The following DLC1 variants were observed in gnomAD, a reference collection of about 807,000 sequenced individuals.
DLC1 encodes DLC1 Rho GTPase activating protein, also known as rho GTPase-activating protein 7.
DLC1 carries 54 observed loss-of-function variants against 140.3 expected under a neutral mutation model. The ratio of observed to expected loss-of-function variants is 0.38; its 90% CI spans 0.31 to 0.48. DLC1 has a LOEUF of 0.48. DLC1 is among the 20% of genes least tolerant of loss of function. DLC1 has a pLI of 0.96. For synonymous variants in DLC1, 986 were observed against 728.1 expected (o/e 1.35, Z -5.70); for missense variants, 2,536 against 1,907.0 (o/e 1.33, Z -6.14).
chr8:13,120,356 A>AAAAAAAAAAAATAT, intron 5 of DLC1, among the ~76,000 whole-genome samples: 15 of 61,126 alleles, frequency 2.5e-4, no homozygotes, highest in African/African-American at 5.8e-4. Flanking sequence ...AAAAAAAAAA[A>AAAAAAAAAAAATAT]ATATATATAT....
chr8:13,534,972 AG>A (rs961799097), intron 1 of DLC1, among the ~76,000 whole-genome samples: 1 of 152,084 alleles, frequency 6.6e-6, no homozygotes, highest in Non-Finnish European at 1.5e-5. Flanking sequence ...CTTTCTGCTG[AG>A]GTATAGGAGA....
At chr8:13,368,495 C>G (rs1292352468) in intron 4 of DLC1, among the ~76,000 whole-genome samples, 1 of 151,460 alleles carries the variant, frequency 6.6e-6, no homozygotes, top group African/African-American at 2.4e-5. Context: ...AGATATTACC[C>G]AAGGGAAAAC....
chr8:13,138,723 G>A (rs932118002), intron 5 of DLC1, among the ~76,000 whole-genome samples: 2 of 152,058 alleles, frequency 1.3e-5, no homozygotes, highest in Non-Finnish European at 2.9e-5. Context: ...TTAAGCTTTC[G>A]TGACCCCAAT....
intron 16 of DLC1, 98 bp downstream of exon 16, chr8:13,088,387 ACT>A: frequency 7.3e-7 from 1 of 1,371,238 alleles, no homozygotes; most frequent in Non-Finnish European, 1.0e-6. Flanking sequence ...CCCGGCCTCT[ACT>A]TTAAATAATT....
intron 2 of DLC1, among the ~76,000 whole-genome samples, chr8:13,442,481 C>A (rs538216375): frequency 1.3e-5 from 2 of 152,184 alleles, no homozygotes; most frequent in African/African-American, 4.8e-5. Context: ...TATCCAGAAT[C>A]TACACTGAAC....
chr8:13,145,437 GGT>G (rs777678932), intron 5 of DLC1, among the ~76,000 whole-genome samples: 6 of 152,128 alleles, frequency 3.9e-5, no homozygotes, highest in Admixed American at 2.6e-4. Context: ...CTCATAGAAA[GGT>G]GTGTTACTAC....
chr8:13,515,082 C>A (rs1406232488), upstream of DLC1, among the ~76,000 whole-genome samples: 1 of 152,078 alleles, frequency 6.6e-6, no homozygotes, highest in Non-Finnish European at 1.5e-5. Context: ...CTTTTTCTAT[C>A]CCACACTGCT....
chr8:13,268,323 C>G (rs1830774410), intron 5 of DLC1, among the ~76,000 whole-genome samples: 1 of 152,156 alleles, frequency 6.6e-6, no homozygotes, highest in Non-Finnish European at 1.5e-5. Flanking sequence ...TTGCCTGACT[C>G]TGTTTGTTTT....
At chr8:13,267,684 A>G (rs1284274109) in intron 5 of DLC1, among the ~76,000 whole-genome samples, 1 of 151,476 alleles carries the variant, frequency 6.6e-6, no homozygotes, top group Non-Finnish European at 1.5e-5. Context: ...GGAATCTTCA[A>G]TCTTTTATAA....
At chr8:13,204,080 T>C (rs2117079596) in intron 5 of DLC1, among the ~76,000 whole-genome samples, 1 of 152,286 alleles carries the variant, frequency 6.6e-6, no homozygotes, top group Middle Eastern at 3.4e-3. Context: ...AAGAAAGTCT[T>C]GAAGTTTGGA....
At chr8:13,317,906 T>C (rs1043726088) in intron 4 of DLC1, among the ~76,000 whole-genome samples, 2 of 152,176 alleles carry the variant, frequency 1.3e-5, no homozygotes, top group Non-Finnish European at 1.5e-5. Flanking sequence ...GTTGCTTCTG[T>C]GACATGGGGG....
chr8:13,428,705 C>G (rs1257128874), intron 2 of DLC1, among the ~76,000 whole-genome samples: 2 of 145,524 alleles, frequency 1.4e-5, no homozygotes, highest in South Asian at 2.2e-4. Flanking sequence ...GAGTTAAAAA[C>G]CTATGCAAGA....
At chr8:13,301,644 C>T (rs1832195460) in intron 5 of DLC1, among the ~76,000 whole-genome samples, 1 of 152,184 alleles carries the variant, frequency 6.6e-6, no homozygotes, top group Non-Finnish European at 1.5e-5. Flanking sequence ...GACGGGTTCA[C>T]TCTTTAGAGC....
At chr8:13,476,578 AC>A (rs1313197720) in intron 2 of DLC1, among the ~76,000 whole-genome samples, 2 of 152,132 alleles carry the variant, frequency 1.3e-5, no homozygotes, top group Non-Finnish European at 2.9e-5. Context: ...TGTGGAAACA[AC>A]AGACTCAGAC....
chr8:13,201,311 A>T (rs1184980956), intron 5 of DLC1, among the ~76,000 whole-genome samples: 1 of 152,146 alleles, frequency 6.6e-6, no homozygotes, highest in Non-Finnish European at 1.5e-5. Flanking sequence ...TATTTTAATG[A>T]TTTTTTGCAT....
intron 1 of DLC1, chr8:13,567,395 G>C: frequency 1.3e-6 from 2 of 1,551,710 alleles, no homozygotes; most frequent in Non-Finnish European, 1.7e-6. Context: ...TTGATTCATC[G>C]TAGAGGGGAT....
At chr8:13,111,599 G>A (rs932922324) in intron 6 of DLC1, among the ~76,000 whole-genome samples, 2 of 152,176 alleles carry the variant, frequency 1.3e-5, no homozygotes, top group African/African-American at 4.8e-5. Flanking sequence ...CCCTTGGTAA[G>A]TAAATATACC....
At chr8:13,456,459 T>A (rs931097681) in intron 2 of DLC1, among the ~76,000 whole-genome samples, 33 of 152,224 alleles carry the variant, frequency 2.2e-4, no homozygotes, top group East Asian at 3.9e-4. Context: ...TTTTATTTTT[T>A]TTTTTATTTT....
chr8:13,589,481 G>T (rs1192177833), intron 1 of DLC1, among the ~76,000 whole-genome samples: 1 of 151,970 alleles, frequency 6.6e-6, no homozygotes, highest in East Asian at 1.9e-4. Flanking sequence ...TGACATTCAG[G>T]GGAAAGTTGG....
Sources: allele counts gnomAD v4.1 joint callset (sites outside exome capture counted in the v4.1 genomes callset), GRCh38; gene constraint gnomAD v4.1.1; transcripts MANE v1.5; gene names NCBI Gene and HGNC (gene_info 2026-07-23, HGNC 2026-07-21).